The following LMX1A variants were observed in gnomAD, a reference collection of about 807,000 sequenced individuals.
LMX1A encodes LIM homeobox transcription factor 1-alpha.
In LMX1A, 15 loss-of-function variants were observed where a neutral mutation model predicts 49.1. The ratio of observed to expected loss-of-function variants is 0.31; its 90% CI spans 0.20 to 0.47. The LOEUF is 0.47. Ranked by LOEUF, LMX1A falls within the 20% of genes least tolerant of loss-of-function variation. LMX1A has a pLI of 1.00. For missense variants in LMX1A, 372 were observed against 475.8 expected (o/e 0.78, Z 2.03); for synonymous variants, 167 against 185.7 (o/e 0.90, Z 0.82).
At chr1:165,277,292 A>C (rs930630901) in intron 3 of LMX1A, among the ~76,000 whole-genome samples, 1 of 152,026 alleles carries the variant, frequency 6.6e-6, no homozygotes, top group Non-Finnish European at 1.5e-5. Context: ...TGGCATGTCC[A>C]CTCGATGAAG....
chr1:165,229,266 T>C (rs1652158204), intron 4 of LMX1A, among the ~76,000 whole-genome samples: 1 of 152,150 alleles, frequency 6.6e-6, no homozygotes, highest in Non-Finnish European at 1.5e-5. Context: ...CAGCTCTGCT[T>C]AAGGTACCCA....
At chr1:165,217,804 G>A (rs761332719) in intron 4 of LMX1A, among the ~76,000 whole-genome samples, 3 of 152,188 alleles carry the variant, frequency 2.0e-5, no homozygotes, top group Non-Finnish European at 2.9e-5. Context: ...TTTGTCTCTG[G>A]AGTGTTTCTG....
At chr1:165,334,664 T>C (rs1571228868) in intron 3 of LMX1A, among the ~76,000 whole-genome samples, 1 of 151,814 alleles carries the variant, frequency 6.6e-6, no homozygotes, top group East Asian at 1.9e-4. Flanking sequence ...TTAAATTCTT[T>C]TTATGCTGAT....
At chr1:165,274,244 G>T (rs376081907) in intron 3 of LMX1A, among the ~76,000 whole-genome samples, 1 of 152,088 alleles carries the variant, frequency 6.6e-6, no homozygotes, top group Non-Finnish European at 1.5e-5. Flanking sequence ...CTCTACACAC[G>T]TATGTATTTG....
chr1:165,266,897 GGCTT>G (rs139379825), intron 3 of LMX1A, among the ~76,000 whole-genome samples: 22,821 of 151,510 alleles, frequency 0.15, 2,485 homozygotes, highest in East Asian at 0.5. Context: ...CACTGTGCCC[GGCTT>G]GCTTGCTTGC....
intron 1 of LMX1A, chr1:165,356,136 G>A (rs1437459331): frequency 6.6e-6 from 1 of 152,424 alleles, no homozygotes; most frequent in Non-Finnish European, 1.5e-5. Flanking sequence ...CTGGACTCCT[G>A]GCGCTGCGCT....
chr1:165,332,690 T>C (rs776699953), intron 3 of LMX1A, among the ~76,000 whole-genome samples: 72 of 152,248 alleles, frequency 4.7e-4, no homozygotes, highest in Non-Finnish European at 9.0e-4. Flanking sequence ...CGTTGCTTAT[T>C]TTGTTTCTCA....
At chr1:165,273,326 C>A (rs988922793) in intron 3 of LMX1A, among the ~76,000 whole-genome samples, 5 of 152,176 alleles carry the variant, frequency 3.3e-5, no homozygotes, top group Admixed American at 3.3e-4. Context: ...GCTCACTTGG[C>A]CATCTTCTCA....
intron 3 of LMX1A, among the ~76,000 whole-genome samples, chr1:165,297,931 G>C (rs993893568): frequency 6.6e-6 from 1 of 152,220 alleles, no homozygotes; most frequent in Non-Finnish European, 1.5e-5. Context: ...GCATCAAGCC[G>C]TGAGGCTTCA....
At chr1:165,266,773 T>C (rs988116512) in intron 3 of LMX1A, among the ~76,000 whole-genome samples, 1 of 151,894 alleles carries the variant, frequency 6.6e-6, no homozygotes, top group Admixed American at 6.6e-5. Context: ...AGCTAATTTT[T>C]TGTATTTTTA....
intron 4 of LMX1A, among the ~76,000 whole-genome samples, chr1:165,237,255 G>A (rs896275538): frequency 1.3e-5 from 2 of 152,058 alleles, no homozygotes; most frequent in African/African-American, 2.4e-5. Flanking sequence ...ATGGAGTCTC[G>A]CTCTGTCGCC....
At chr1:165,260,615 C>A (rs1174696162) in intron 3 of LMX1A, among the ~76,000 whole-genome samples, 1 of 152,190 alleles carries the variant, frequency 6.6e-6, no homozygotes, top group African/African-American at 2.4e-5. Flanking sequence ...TAAATTTATT[C>A]TGAAAACCAA....
chr1:165,293,875 C>A (rs1353122817), intron 3 of LMX1A, among the ~76,000 whole-genome samples: 1 of 152,190 alleles, frequency 6.6e-6, no homozygotes, highest in Non-Finnish European at 1.5e-5. Flanking sequence ...CTCCTAATAC[C>A]ATCATGTTGG....
chr1:165,330,007 C>T (rs1655699088), intron 3 of LMX1A, among the ~76,000 whole-genome samples: 1 of 152,206 alleles, frequency 6.6e-6, no homozygotes, highest in African/African-American at 2.4e-5. Flanking sequence ...CTACTGTTAA[C>T]AACAACTGAC....
intron 4 of LMX1A, 33 bp downstream of exon 4, chr1:165,249,375 C>A: frequency 6.6e-7 from 1 of 1,504,640 alleles, no homozygotes; most frequent in Non-Finnish European, 9.3e-7. Flanking sequence ...TCTACCCACC[C>A]CACCGCAGCC....
At chr1:165,242,375 G>T (rs1652686201) in intron 4 of LMX1A, among the ~76,000 whole-genome samples, 3 of 151,572 alleles carry the variant, frequency 2.0e-5, no homozygotes, top group African/African-American at 7.3e-5. Flanking sequence ...ACCTAAAAGA[G>T]CCTTGCCTTA....
intron 3 of LMX1A, among the ~76,000 whole-genome samples, chr1:165,320,330 T>C (rs1459960686): frequency 6.6e-6 from 1 of 152,178 alleles, no homozygotes; most frequent in East Asian, 1.9e-4. Context: ...GTCAATGTCT[T>C]TGGTTTGCTG....
At chr1:165,275,185 T>G (rs1172219218) in intron 3 of LMX1A, among the ~76,000 whole-genome samples, 1 of 152,144 alleles carries the variant, frequency 6.6e-6, no homozygotes, top group East Asian at 1.9e-4. Context: ...GCCCCTGAAG[T>G]GCACAGAACT....
intron 3 of LMX1A, among the ~76,000 whole-genome samples, chr1:165,310,723 G>A (rs1050983535): frequency 6.6e-6 from 1 of 152,222 alleles, no homozygotes; most frequent in Non-Finnish European, 1.5e-5. Flanking sequence ...TATTTGAGGT[G>A]TGGGTACTGA....
Sources: allele counts gnomAD v4.1 joint callset (sites outside exome capture counted in the v4.1 genomes callset), GRCh38; gene constraint gnomAD v4.1.1; transcripts MANE v1.5; gene names NCBI Gene and HGNC (gene_info 2026-07-23, HGNC 2026-07-21).